DLGAP2: variants seen among roughly 807,000 people sequenced by gnomAD.
DLGAP2 encodes the protein DLG associated protein 2, also known as disks large-associated protein 2.
DLGAP2 carries 26 observed loss-of-function variants against 100.3 expected under a neutral mutation model. The ratio of observed to expected loss-of-function variants is 0.26; its 90% CI spans 0.19 to 0.36. DLGAP2 has a LOEUF of 0.36. Ranked by LOEUF, DLGAP2 falls within the 10% of genes least tolerant of loss-of-function variation. The probability of loss-of-function intolerance (pLI) is 1.00; values close to 1 mark genes in which losing one functional copy is unlikely to be tolerated. For missense variants in DLGAP2, 1,858 were observed against 1,453.2 expected (o/e 1.28, Z -4.53); for synonymous variants, 886 against 630.1 (o/e 1.41, Z -6.08).
chr8:1,563,108 TG>T (rs35311770), intron 5 of DLGAP2, among the ~76,000 whole-genome samples: 29 of 57,164 alleles, frequency 5.1e-4, no homozygotes, highest in African/African-American at 8.6e-4. Flanking sequence ...TGTGTGGTGT[TG>T]GGGTGTCCGC....
intron 2 of DLGAP2, among the ~76,000 whole-genome samples, chr8:1,178,509 C>A (rs1410224620): frequency 6.6e-6 from 1 of 152,114 alleles, no homozygotes; most frequent in Non-Finnish European, 1.5e-5. Context: ...TATCAAGTAA[C>A]GTTGACAAAC....
At position 1,707,548 on chromosome 8, in the gene DLGAP2, G is replaced by A. The variant is rs188725481; in HGVS notation, c.*6142G>A. The A allele has an allele frequency of 2.0e-4, 30 of 152,198 alleles. No individual in the cohort carries two copies. In the East Asian group the frequency reaches 4.6e-3, roughly 24 times the overall value. The allele number at this position is 152,198 out of a possible 1,614,324, so 9.4% of individuals were successfully genotyped here. ...TGAACTCGACAAGGCTTCCCCTTAC[G>A]AGCAGTGAGACCTAGGCTACTTTCG... On this transcript the variant is annotated 3_prime_UTR_variant, in exon 15 of 15. Coordinates refer to ENST00000637795, the MANE Select transcript of DLGAP2 (RefSeq NM_001346810.2).
At chr8:1,069,397 C>T (rs1306983269) in intron 2 of DLGAP2, among the ~76,000 whole-genome samples, 5 of 152,156 alleles carry the variant, frequency 3.3e-5, no homozygotes, top group African/African-American at 9.7e-5. Flanking sequence ...TTCTCCCATG[C>T]CCTGGGTCCT....
intron 3 of DLGAP2, among the ~76,000 whole-genome samples, chr8:1,412,210 C>A (rs895605382): frequency 6.6e-6 from 1 of 152,180 alleles, no homozygotes; most frequent in African/African-American, 2.4e-5. Context: ...AGCACTGGGA[C>A]TTTTATGCTG....
rs548860153 is a variant in DLGAP2 at position 1,273,905 on chromosome 8, G to C, written c.106+15022G>C. ...CTTTAATATCTTCATATATAGCCGG[G>C]AATCTGCTCTGACTCTGGACAATAA... On this transcript the variant is annotated intron_variant, in intron 3 of 14. Coordinates refer to ENST00000637795, the MANE Select transcript of DLGAP2 (RefSeq NM_001346810.2). Among the ~76,000 whole-genome samples the C allele has an allele frequency of 2.6e-5, 4 of 152,302 alleles. No individual in the cohort carries two copies. The South Asian group carries it at 6.2e-4, about 24-fold the overall frequency.
chr8:1,390,664 G>T (rs899671429), intron 3 of DLGAP2, among the ~76,000 whole-genome samples: 1 of 152,126 alleles, frequency 6.6e-6, no homozygotes, highest in East Asian at 1.9e-4. Context: ...CCATTGAGCC[G>T]CCAAGCTCTG....
chr8:1,493,178 A>C (rs1271629717), intron 3 of DLGAP2, among the ~76,000 whole-genome samples: 2 of 152,200 alleles, frequency 1.3e-5, no homozygotes, highest in Non-Finnish European at 2.9e-5. Flanking sequence ...GCAGTGCCCT[A>C]GGAACCCAGA....
chr8:1,646,411 C>A (rs1316080297), intron 8 of DLGAP2, among the ~76,000 whole-genome samples: 2 of 152,268 alleles, frequency 1.3e-5, no homozygotes, highest in South Asian at 4.2e-4. Context: ...TACCATCTCT[C>A]TCTATATGTG....
At chr8:1,471,936 C>G (rs543050202) in intron 3 of DLGAP2, among the ~76,000 whole-genome samples, 1 of 152,182 alleles carries the variant, frequency 6.6e-6, no homozygotes, top group Non-Finnish European at 1.5e-5. Flanking sequence ...CTTCTTGTGC[C>G]CAGTACAACA....
intron 2 of DLGAP2, among the ~76,000 whole-genome samples, chr8:1,180,086 C>G (rs1483617722): frequency 1.3e-5 from 2 of 152,192 alleles, no homozygotes; most frequent in Non-Finnish European, 2.9e-5. Context: ...TGTATCAATT[C>G]CATAACATTC....
At chr8:1,198,868 C>T (rs998966622) in intron 2 of DLGAP2, among the ~76,000 whole-genome samples, 2 of 152,202 alleles carry the variant, frequency 1.3e-5, no homozygotes, top group African/African-American at 2.4e-5. Flanking sequence ...GGAGCTGCAC[C>T]CCCACGCCTG....
intron 1 of DLGAP2, among the ~76,000 whole-genome samples, chr8:767,246 A>T (rs1475154767): frequency 5.3e-5 from 8 of 152,038 alleles, no homozygotes; most frequent in Admixed American, 5.2e-4. Context: ...ATAAAAACAC[A>T]GGAACACCAG....
At chr8:839,048 C>G (rs1045621267) in intron 1 of DLGAP2, among the ~76,000 whole-genome samples, 10 of 152,120 alleles carry the variant, frequency 6.6e-5, no homozygotes, top group South Asian at 4.1e-4. Context: ...TCACCTCACA[C>G]CTGTTAGGAT....
At chr8:1,339,511 C>G (rs73670774) in intron 3 of DLGAP2, among the ~76,000 whole-genome samples, 2 of 152,294 alleles carry the variant, frequency 1.3e-5, no homozygotes, top group African/African-American at 4.8e-5. Flanking sequence ...GCAGCACTGT[C>G]CCCTGACACC....
rs542584483 is a variant in DLGAP2, at chr8:794,262, G to C, written c.18+56437G>C. Among the ~76,000 whole-genome samples, 6 of 152,140 alleles carry C rather than the reference G, an allele frequency of 3.9e-5. No homozygotes were observed. The South Asian group carries it at 1.2e-3, about 32-fold the overall frequency. On this transcript the variant is annotated intron_variant, in intron 1 of 14. Transcript: ENST00000637795. ...TGAGTGAGGTCGGGATGAGCTGTTT[G>C]CTGGCTGTTGAGACCAGCTCGGTCG...
At chr8:1,437,149 G>C (rs4521788) in intron 3 of DLGAP2, among the ~76,000 whole-genome samples, 1,460 of 133,684 alleles carry the variant, frequency 0.011, 49 homozygotes, top group African/African-American at 0.018. Flanking sequence ...ATCCGGGTCT[G>C]CGTTCAGCGC....
chr8:1,181,316 A>G (rs1270383923), intron 2 of DLGAP2, among the ~76,000 whole-genome samples: 1 of 152,256 alleles, frequency 6.6e-6, no homozygotes, highest in East Asian at 1.9e-4. Flanking sequence ...TGGTCTGTAG[A>G]AAAATTAAAG....
rs574643959 is a variant in DLGAP2, at chr8:982,181, T to A, written c.73+74215T>A. Among the ~76,000 whole-genome samples the A allele has an allele frequency of 2.8e-3, 425 of 152,356 alleles. 4 individuals carry two copies. The highest frequency in any genetic ancestry group is 9.9e-3 in the African/African-American group (410 of 41,580). On this transcript the variant is annotated intron_variant, in intron 2 of 14. Coordinates refer to ENST00000637795, the MANE Select transcript of DLGAP2 (RefSeq NM_001346810.2). ...GTTGTATAACTCCACTGTGTCTCAG[T>A]TTCTGCATTTCTTCATCTACGGAGC... is the stretch of plus-strand genomic sequence containing the variant.
intron 3 of DLGAP2, among the ~76,000 whole-genome samples, chr8:1,330,586 A>T (rs1243553609): frequency 1.5e-5 from 2 of 131,626 alleles, no homozygotes; most frequent in African/African-American, 2.9e-5. Flanking sequence ...GTGTGGGAGC[A>T]CCGCTTCACG....
Sources: gnomAD v4.1 joint callset for allele counts (sites outside exome capture counted in the v4.1 genomes callset) on GRCh38, gnomAD v4.1.1 for gene constraint, MANE v1.5 for transcripts, NCBI Gene and HGNC (gene_info 2026-07-23, HGNC 2026-07-21) for gene names.